KDM4C: variants seen among roughly 807,000 people sequenced by gnomAD.
KDM4C encodes the protein lysine demethylase 4C.
A neutral mutation model predicts 129.3 loss-of-function variants in KDM4C; 81 were observed. The observed-to-expected ratio is 0.63, with a 90% confidence interval of 0.52 to 0.75. KDM4C has a LOEUF of 0.75. Ranked by LOEUF, KDM4C falls within the 30% of genes least tolerant of loss-of-function variation. The pLI is 0.00. For missense variants in KDM4C, 1,457 were observed against 1,304.0 expected (o/e 1.12, Z -1.81); for synonymous variants, 573 against 456.1 (o/e 1.26, Z -3.26).
chr9:7,094,303 T>G (rs1836154747), intron 17 of KDM4C, among the ~76,000 whole-genome samples: 1 of 152,224 alleles, frequency 6.6e-6, no homozygotes. Context: ...CTTTTGTCCA[T>G]TCCTTAAGTT....
chr9:6,775,613 C>T (rs1250069331), intron 1 of KDM4C, among the ~76,000 whole-genome samples: 2 of 151,878 alleles, frequency 1.3e-5, no homozygotes, highest in Non-Finnish European at 2.9e-5. Context: ...ACCTCCACCA[C>T]GCAGGTTCAA....
intron 11 of KDM4C, 45 bp downstream of exon 11, chr9:6,986,711 G>A: frequency 7.2e-7 from 1 of 1,384,970 alleles, no homozygotes; most frequent in Non-Finnish European, 9.8e-7. Flanking sequence ...TATATGGTGA[G>A]AGCACATTTT....
intron 8 of KDM4C, among the ~76,000 whole-genome samples, chr9:6,919,272 T>TTTCTTTCTTTCTTTC (rs1563812449): frequency 2.1e-5 from 2 of 96,650 alleles, no homozygotes; most frequent in Non-Finnish European, 5.0e-5. Context: ...TCTTTCTTTC[T>TTTCTTTCTTTCTTTC]GTCTCTCTCT....
At chr9:6,761,605 C>T (rs1819519309) in intron 1 of KDM4C, among the ~76,000 whole-genome samples, 1 of 152,144 alleles carries the variant, frequency 6.6e-6, no homozygotes, top group Admixed American at 6.5e-5. Flanking sequence ...CAGGCGTGAG[C>T]CACTGCACCT....
chr9:6,886,414 G>A (rs1031250482), intron 6 of KDM4C, among the ~76,000 whole-genome samples: 2 of 150,758 alleles, frequency 1.3e-5, no homozygotes, highest in Non-Finnish European at 2.9e-5. Context: ...CTGGGTTCAA[G>A]TGAATCTCAT....
intron 8 of KDM4C, among the ~76,000 whole-genome samples, chr9:6,897,130 G>C (rs1816590525): frequency 6.6e-6 from 1 of 152,140 alleles, no homozygotes; most frequent in South Asian, 2.1e-4. Context: ...TAAATTCTCT[G>C]TTTTTTCAGT....
At chr9:6,989,387 C>A (rs1006949988) in intron 11 of KDM4C, among the ~76,000 whole-genome samples, 11 of 152,126 alleles carry the variant, frequency 7.2e-5, no homozygotes, top group East Asian at 1.9e-4. Flanking sequence ...TTCCCTTCCC[C>A]CTGCCTTTAA....
intron 8 of KDM4C, among the ~76,000 whole-genome samples, chr9:6,939,959 AACCTACCT>A (rs1554654089): frequency 1.5e-4 from 17 of 112,456 alleles, no homozygotes; most frequent in African/African-American, 5.0e-4. Context: ...TCCAATAACC[AACCTACCT>A]ACCTACCTAC....
chr9:7,140,215 C>G (rs1198555957), intron 19 of KDM4C, among the ~76,000 whole-genome samples: 1 of 152,142 alleles, frequency 6.6e-6, no homozygotes, highest in Non-Finnish European at 1.5e-5. Context: ...TGATGGTCGC[C>G]CTACACTCCT....
chr9:7,026,988 C>G (rs1043754153), intron 15 of KDM4C, among the ~76,000 whole-genome samples: 1 of 151,882 alleles, frequency 6.6e-6, no homozygotes, highest in Non-Finnish European at 1.5e-5. Flanking sequence ...ATTTTGAATT[C>G]CTTCCTTGTG....
At chr9:6,859,201 G>T (rs952892952) in intron 5 of KDM4C, among the ~76,000 whole-genome samples, 1 of 152,114 alleles carries the variant, frequency 6.6e-6, no homozygotes, top group African/African-American at 2.4e-5. Flanking sequence ...CTGGTGGCCG[G>T]GTACGGTGGT....
At chr9:7,083,013 G>A (rs539803348) in intron 17 of KDM4C, among the ~76,000 whole-genome samples, 9 of 152,282 alleles carry the variant, frequency 5.9e-5, no homozygotes, top group Non-Finnish European at 1.0e-4. Context: ...TTTTTATGAA[G>A]TGCTTGCATT....
chr9:7,030,815 T>A (rs1826599010), intron 15 of KDM4C, among the ~76,000 whole-genome samples: 1 of 152,186 alleles, frequency 6.6e-6, no homozygotes, highest in African/African-American at 2.4e-5. Flanking sequence ...TATACCATTA[T>A]AGTTTTGGAT....
At chr9:6,929,864 A>G (rs865887560) in intron 8 of KDM4C, among the ~76,000 whole-genome samples, 6 of 152,190 alleles carry the variant, frequency 3.9e-5, no homozygotes, top group Non-Finnish European at 7.3e-5. Flanking sequence ...TTTGAGGATC[A>G]AAATAGACGA....
At chr9:7,146,320 T>C (rs1269029526) in intron 19 of KDM4C, among the ~76,000 whole-genome samples, 2 of 152,240 alleles carry the variant, frequency 1.3e-5, no homozygotes, top group Non-Finnish European at 2.9e-5. Flanking sequence ...GAACGTGTTT[T>C]ATTTTTATAA....
intron 8 of KDM4C, among the ~76,000 whole-genome samples, chr9:6,961,656 G>C (rs1276089536): frequency 1.3e-5 from 2 of 152,108 alleles, no homozygotes; most frequent in Admixed American, 6.5e-5. Context: ...AGTAATCCTT[G>C]TTATCAAAAT....
intron 19 of KDM4C, among the ~76,000 whole-genome samples, chr9:7,146,588 A>G (rs1842235147): frequency 6.6e-6 from 1 of 152,186 alleles, no homozygotes. Context: ...TTTTAAGTCA[A>G]TGCCTGCATT....
intron 1 of KDM4C, among the ~76,000 whole-genome samples, chr9:6,784,688 A>G (rs936932760): frequency 1.3e-5 from 2 of 152,218 alleles, no homozygotes; most frequent in Non-Finnish European, 2.9e-5. Flanking sequence ...GGTGATCGGA[A>G]TGGGATGAAA....
chr9:7,060,173 G>A (rs1462626160), intron 17 of KDM4C, among the ~76,000 whole-genome samples: 1 of 150,666 alleles, frequency 6.6e-6, no homozygotes, highest in Non-Finnish European at 1.5e-5. Context: ...TTAGGCACAT[G>A]GCCTTTGCTT....
Sources: allele counts gnomAD v4.1 joint callset (sites outside exome capture counted in the v4.1 genomes callset), GRCh38; gene constraint gnomAD v4.1.1; transcripts MANE v1.5; gene names NCBI Gene and HGNC (gene_info 2026-07-23, HGNC 2026-07-21).